Variants in DDX3X observed in about 807,000 individuals in gnomAD.
DDX3X encodes the protein ATP-dependent RNA helicase DDX3X.
A neutral mutation model predicts 52.7 loss-of-function variants in DDX3X; 4 were observed. The ratio of observed to expected loss-of-function variants is 0.08; its 90% CI spans 0.04 to 0.17. The LOEUF is 0.17. Among genes scored for constraint, DDX3X ranks in the 10% least tolerant of loss-of-function variants. The pLI, the probability that DDX3X is intolerant of heterozygous loss-of-function variation, is 1.00. For synonymous variants in DDX3X, 192 were observed against 178.1 expected (o/e 1.08, Z -0.62); for missense variants, 222 against 548.6 (o/e 0.40, Z 5.95).
intron 14 of DDX3X, 72 bp from the exon 15 acceptor site, chrX:41,346,787 G>C: frequency 9.7e-7 from 1 of 1,032,301 alleles, no homozygotes; most frequent in Non-Finnish European, 1.3e-6. Context: ...TTTCTACGTA[G>C]GAAAGTAAGA....
intron 5 of DDX3X, among the ~76,000 whole-genome samples, chrX:41,358,227 G>A (rs946293247): frequency 1.8e-5 from 2 of 108,132 alleles, no homozygotes; most frequent in African/African-American, 6.8e-5. Context: ...ACAGGCATGC[G>A]CCACTATGCC....
intron 2 of DDX3X, 146 bp downstream of exon 2, chrX:41,337,611 G>T: frequency 4.9e-6 from 2 of 411,415 alleles, no homozygotes; most frequent in Non-Finnish European, 8.2e-6. Context: ...GAATTATGTA[G>T]TACTTAGTGA....
chrX:41,352,499 G>C (rs1022784406), downstream of DDX3X, among the ~76,000 whole-genome samples: 4 of 111,428 alleles, frequency 3.6e-5, no homozygotes, highest in Non-Finnish European at 7.5e-5. Context: ...CTCTTCTCCA[G>C]ACCTCAATCA....
chrX:41,346,703 A>G (rs180879879), intron 14 of DDX3X, 81 bp downstream of exon 14: 20 of 950,059 alleles, frequency 2.1e-5, no homozygotes, highest in Middle Eastern at 5.6e-4. Context: ...TCTAAAATAC[A>G]TTTTTAACAA....
chrX:41,345,052 CTTAATGAA>C, intron 10 of DDX3X, 120 bp from the exon 11 acceptor site: 1 of 655,073 alleles, frequency 1.5e-6, no homozygotes, highest in Non-Finnish European at 2.3e-6. Flanking sequence ...GAGGCACCAT[CTTAATGAA>C]TATATAATTG....
At chrX:41,340,199 A>T (rs1356483597) in intron 3 of DDX3X, 1 of 112,261 alleles carries the variant, frequency 8.9e-6, no homozygotes, top group Non-Finnish European at 1.9e-5. Flanking sequence ...GTGAGCCACC[A>T]TGCCTGGCTG....
intron 2 of DDX3X, chrX:41,338,471 A>C (rs868604870): frequency 1.8e-5 from 2 of 111,776 alleles, no homozygotes; most frequent in Non-Finnish European, 3.8e-5. Context: ...TTTTTTGCTT[A>C]TCCATATTCT....
chrX:41,342,437 A>G, intron 4 of DDX3X, 58 bp from the exon 5 acceptor site: 4 of 1,168,386 alleles, frequency 3.4e-6, no homozygotes, highest in South Asian at 1.8e-5. Flanking sequence ...TAGAGTAGGG[A>G]TAAGAATCTG....
chrX:41,347,828 C>G lies in DDX3X; in HGVS notation c.*109C>G. The G allele has an allele frequency of 3.9e-6, 2 of 516,729 alleles. No homozygotes were observed. Among genetic ancestry groups the G allele is most frequent in the Non-Finnish European group, 6.3e-6 (2 of 316,782 alleles). 42.6% of individuals were successfully genotyped at this position (516,729 alleles called of 1,213,427 possible). On this transcript the variant is annotated 3_prime_UTR_variant, in exon 17 of 17. Transcript: ENST00000644876. The stretch of plus-strand genomic sequence containing the variant: ...TCAAGAACTCGCAGTACATTACCAG[C>G]TGTGATTCTCCACTGAAATTTTTTT...
At chrX:41,344,994 T>C (rs2063904042) in intron 10 of DDX3X, among the ~76,000 whole-genome samples, 186 bp from the exon 11 acceptor site, 1 of 111,875 alleles carries the variant, frequency 8.9e-6, no homozygotes, top group Non-Finnish European at 1.9e-5. Flanking sequence ...TTGAATGACT[T>C]ATGTAGTGGC....
intron 2 of DDX3X, chrX:41,337,803 AT>A (rs1045323761): frequency 1.4e-5 from 2 of 146,301 alleles, no homozygotes; most frequent in Non-Finnish European, 2.6e-5. Context: ...TAAAACATCA[AT>A]GACTAGCTGG....
At chrX:41,353,632 G>C (rs906378308), downstream of DDX3X, among the ~76,000 whole-genome samples, 2 of 107,435 alleles carry the variant, frequency 1.9e-5, no homozygotes, top group African/African-American at 6.8e-5. Context: ...TTAGCTGGGC[G>C]TGGTGGCAAG....
At chrX:41,350,802 C>G (rs1341553868), downstream of DDX3X, 1 of 111,949 alleles carries the variant, frequency 8.9e-6, no homozygotes, top group African/African-American at 3.2e-5. Flanking sequence ...ACTGTACACA[C>G]TGCTGCAATA....
chrX:41,360,317 G>T (rs2064024766), intron 5 of DDX3X, among the ~76,000 whole-genome samples: 1 of 107,648 alleles, frequency 9.3e-6, no homozygotes, highest in South Asian at 4.2e-4. Context: ...GGCAGAAGTT[G>T]CGGTGAGCTG....
At chrX:41,337,848 G>T (rs186643160) in intron 2 of DDX3X, 1 of 124,768 alleles carries the variant, frequency 8.0e-6, no homozygotes, top group Admixed American at 9.1e-5. Context: ...TCATTGGAAA[G>T]AACCTTATTA....
In DDX3X at chrX:41,342,553, G is replaced by A. The variant is rs747737720; in HGVS notation, c.343G>A (p.Gly115Ser). 2.4e-5 allele frequency: 29 copies of A among 1,210,146 alleles called. No individual in the cohort carries two copies. The South Asian group carries it at 4.2e-4, about 18-fold the overall frequency. Residue 115 changes from glycine to serine, a missense_variant, in exon 5 of 17, where the codon GGC (glycine) becomes AGC (serine). Physicochemically the swap from Gly to Ser is moderately conservative, Grantham distance 56. Coordinates refer to ENST00000644876, the MANE Select transcript of DDX3X (RefSeq NM_001356.5). ...CATTGGCAGCCGTGGTGACAGAAGT[G>A]GCTTTGGCAAATTTGAACGTGGTGG... ...DGIGSRGDRS[G>S]FGKFERGGNS... is the part of the protein sequence containing the mutation.
intron 2 of DDX3X, 77 bp from the exon 3 acceptor site, chrX:41,338,959 A>AT: frequency 2.3e-6 from 1 of 426,354 alleles, no homozygotes; most frequent in Non-Finnish European, 3.5e-6. Flanking sequence ...TCCCAGAACC[A>AT]TTTTTTAGTA....
chrX:41,363,320 G>A (rs750636785), intron 5 of DDX3X, among the ~76,000 whole-genome samples: 2 of 110,896 alleles, frequency 1.8e-5, no homozygotes, highest in Non-Finnish European at 3.8e-5. Flanking sequence ...AGCTACATGG[G>A]AGGCCAAGGC....
intron 10 of DDX3X, among the ~76,000 whole-genome samples, chrX:41,344,908 C>T (rs1320656979): frequency 3.6e-5 from 4 of 111,611 alleles, no homozygotes; most frequent in African/African-American, 1.3e-4. Context: ...AAATCAGTAA[C>T]ATCTTGGTTG....
Sources: gnomAD v4.1 joint callset for allele counts (sites outside exome capture counted in the v4.1 genomes callset) on GRCh38, gnomAD v4.1.1 for gene constraint, MANE v1.5 for transcripts, NCBI Gene and HGNC (gene_info 2026-07-23, HGNC 2026-07-21) for gene names.